The following SRPRB variants were observed in gnomAD, a reference collection of about 807,000 sequenced individuals.
The protein encoded by SRPRB is SRP receptor subunit beta, also known as signal recognition particle receptor subunit beta.
In SRPRB, 20 loss-of-function variants were observed where a neutral mutation model predicts 31.9. The observed-to-expected ratio is 0.63, with a 90% confidence interval of 0.44 to 0.91. The LOEUF is 0.91. Ranked by LOEUF, SRPRB falls within the 40% of genes least tolerant of loss-of-function variation. The pLI is 0.00. For synonymous variants in SRPRB, 146 were observed against 132.8 expected, an observed-to-expected ratio of 1.10 and a Z score of -0.68; for missense variants, 321 against 324.9, an observed-to-expected ratio of 0.99 and a Z score of 0.09.
At position 133,821,167 on chromosome 3, in the gene SRPRB, CTAGGAGTAT is replaced by C. The variant is rs1935467894; in HGVS notation, c.*1402_*1410del. 1.3e-5 allele frequency: 2 copies of C among 152,176 alleles called. No homozygotes were observed. The highest frequency in any genetic ancestry group is 4.2e-4 in the South Asian group (2 of 4,818). 9.4% of individuals were successfully genotyped at this position (152,176 alleles called of 1,614,324 possible). A position where few individuals can be genotyped will look rare whatever the true frequency, so the allele number is the denominator to read the frequency against. ...GTCCCTTCTGGTGGTCACTTGGGCT[CTAGGAGTAT>C]ACGTCACCTCAGACCATCTGGCAGA... On this transcript the variant is annotated 3_prime_UTR_variant, in exon 7 of 7. Transcript: ENST00000678299.
At chr3:133,810,077 G>A (rs904779234) in intron 3 of SRPRB, among the ~76,000 whole-genome samples, 2 of 151,814 alleles carry the variant, frequency 1.3e-5, no homozygotes, top group Non-Finnish European at 2.9e-5. Context: ...CTTCCAAATT[G>A]CTTAGGGTGT....
chr3:133,800,302 A>G lies in SRPRB; in HGVS notation c.-173-5374A>G, dbSNP rs538497424. On this transcript the variant is annotated intron_variant, in intron 1 of 7. Coordinates refer to the SRPRB transcript ENST00000466490. ...AGAGCCAGACCTTCCCTATGCCTAC[A>G]CCTGAAAAATGAATGATTACATTGT... Among the ~76,000 whole-genome samples, 17 of 152,352 alleles carry G rather than the reference A, an allele frequency of 1.1e-4. No homozygotes were observed. The South Asian group carries it at 3.3e-3, about 30-fold the overall frequency.
intron 1 of SRPRB, chr3:133,789,271 C>A (rs116655058): frequency 6.6e-6 from 1 of 152,302 alleles, no homozygotes; most frequent in African/African-American, 2.4e-5. Context: ...AATGGGAAAG[C>A]GGGATGCAGT....
At chr3:133,811,590 T>G (rs1214378090) in intron 4 of SRPRB, among the ~76,000 whole-genome samples, 4 of 148,230 alleles carry the variant, frequency 2.7e-5, no homozygotes, top group Non-Finnish European at 4.5e-5. Context: ...GTTTTTTTGT[T>G]TTTTTTTTTT....
At chr3:133,822,489 T>A (rs903584541), downstream of SRPRB, among the ~76,000 whole-genome samples, 2 of 152,134 alleles carry the variant, frequency 1.3e-5, no homozygotes, top group Admixed American at 1.3e-4. Flanking sequence ...TGGTAGCCTC[T>A]CCACTACCAG....
intron 3 of SRPRB, among the ~76,000 whole-genome samples, chr3:133,809,689 G>T (rs960324474): frequency 6.6e-6 from 1 of 151,906 alleles, no homozygotes; most frequent in Non-Finnish European, 1.5e-5. Flanking sequence ...ACCTAAACTA[G>T]GACTAGTCCA....
upstream of SRPRB, among the ~76,000 whole-genome samples, chr3:133,804,035 G>A (rs1471225397): frequency 7.2e-6 from 1 of 138,678 alleles, no homozygotes; most frequent in Non-Finnish European, 1.5e-5. Context: ...GGCGGAGCTT[G>A]CAGTGAGCCG....
In SRPRB at chr3:133,819,803, A is replaced by G; in HGVS notation, c.*37A>G. ...AAAGCACAAGACCTGGATGTGTGAC[A>G]CACAGTTTTGGAAAAAGGTCTGTGG... On this transcript the variant is annotated 3_prime_UTR_variant, in exon 7 of 7. Coordinates refer to ENST00000678299, the MANE Select transcript of SRPRB (RefSeq NM_001379313.1). The G allele has an allele frequency of 6.3e-7, 1 of 1,592,742 alleles. No homozygotes were observed. Among genetic ancestry groups the G allele is most frequent in the Non-Finnish European group, 8.6e-7 (1 of 1,166,136 alleles).
downstream of SRPRB, chr3:133,828,542 A>T (rs966135020): frequency 4.1e-6 from 2 of 492,038 alleles, no homozygotes; most frequent in Non-Finnish European, 7.1e-6. Flanking sequence ...AGTTTTTGGC[A>T]ATCTTAATAA....
intron 4 of SRPRB, among the ~76,000 whole-genome samples, chr3:133,814,283 C>CA (rs1430869025): frequency 2.6e-5 from 4 of 152,110 alleles, no homozygotes; most frequent in African/African-American, 9.7e-5. Context: ...AGGCACCCGC[C>CA]ATCACACCAA....
intron 6 of SRPRB, among the ~76,000 whole-genome samples, chr3:133,818,243 G>A (rs972687576): frequency 6.6e-6 from 1 of 152,200 alleles, no homozygotes; most frequent in African/African-American, 2.4e-5. Context: ...TTGTGAATCA[G>A]TCTTGGGTTA....
chr3:133,805,126 C>T (rs903705136), upstream of SRPRB, among the ~76,000 whole-genome samples: 2 of 152,180 alleles, frequency 1.3e-5, no homozygotes. Flanking sequence ...AGCAGAAATA[C>T]CTCCTGCAGT....
intron 5 of SRPRB, 59 bp downstream of exon 5, chr3:133,815,785 AATTATTTCC>A: frequency 6.4e-7 from 1 of 1,573,000 alleles, no homozygotes; most frequent in Non-Finnish European, 8.7e-7. Context: ...TGCTACTAAG[AATTATTTCC>A]ATTATTTACA....
chr3:133,784,489 T>TA (rs1934606142), intron 1 of SRPRB: 1 of 132,762 alleles, frequency 7.5e-6, no homozygotes, highest in African/African-American at 2.7e-5. Flanking sequence ...ATAATAATAA[T>TA]AATAATAATA....
intron 4 of SRPRB, among the ~76,000 whole-genome samples, chr3:133,813,481 CATG>C (rs1935310571): frequency 6.6e-6 from 1 of 152,190 alleles, no homozygotes; most frequent in African/African-American, 2.4e-5. Flanking sequence ...TTCAGCTGAG[CATG>C]ATCTCTGCTT....
chr3:133,812,884 T>C (rs1398882522), intron 4 of SRPRB, among the ~76,000 whole-genome samples: 2 of 152,202 alleles, frequency 1.3e-5, no homozygotes, highest in Non-Finnish European at 2.9e-5. Flanking sequence ...GGTCTTTTGC[T>C]CCCCATTGCT....
rs1338420188 is a variant in SRPRB at position 133,819,715 on chromosome 3, G to A, written c.765G>A (p.Val255=). The A allele has an allele frequency of 1.2e-6, 2 of 1,614,118 alleles. No homozygotes were observed. The highest frequency in any genetic ancestry group is 3.3e-5 in the Admixed American group (2 of 60,016). Residue 255 remains valine, a synonymous_variant, in exon 7 of 7, where the codon GTG becomes GTA. Transcript: ENST00000678299. Reference sequence around the variant, plus strand: ...GTGCCAAGGGTGGAAGAGGGGACGTGGGCTCTGCTGACATCCAGGACTTGG... The same window carrying A: ...GTGCCAAGGGTGGAAGAGGGGACGTAGGCTCTGCTGACATCCAGGACTTGG... ...ECSAKGGRGD[V]GSADIQDLEK... is the part of the protein sequence containing the mutation.
At chr3:133,821,784 CTT>C (rs1935479492), downstream of SRPRB, among the ~76,000 whole-genome samples, 1 of 152,158 alleles carries the variant, frequency 6.6e-6, no homozygotes, top group Non-Finnish European at 1.5e-5. Flanking sequence ...CTTAATAAGT[CTT>C]TTGTCAGTCG....
intron 1 of SRPRB, among the ~76,000 whole-genome samples, chr3:133,797,768 C>A (rs1222378752): frequency 6.6e-6 from 1 of 152,168 alleles, no homozygotes; most frequent in Non-Finnish European, 1.5e-5. Context: ...ATAAACAAGT[C>A]TTAATGCTCA....
Sources: gnomAD v4.1 joint callset for allele counts (sites outside exome capture counted in the v4.1 genomes callset) on GRCh38, gnomAD v4.1.1 for gene constraint, MANE v1.5 for transcripts, NCBI Gene and HGNC (gene_info 2026-07-23, HGNC 2026-07-21) for gene names.